GRID1: variants seen among roughly 807,000 people sequenced by gnomAD.
GRID1 encodes the protein glutamate receptor ionotropic, delta-1.
In GRID1, 28 loss-of-function variants were observed where a neutral mutation model predicts 98.0. That is an observed-to-expected ratio of 0.29 (90% CI 0.21 to 0.39). GRID1 has a LOEUF of 0.39. Among genes scored for constraint, GRID1 ranks in the 10% least tolerant of loss-of-function variants. GRID1 has a pLI of 1.00. For missense variants in GRID1, 1,111 were observed against 1,340.5 expected, an observed-to-expected ratio of 0.83 and a Z score of 2.67; for synonymous variants, 553 against 538.5, an observed-to-expected ratio of 1.03 and a Z score of -0.37.
intron 3 of GRID1, among the ~76,000 whole-genome samples, chr10:86,181,316 C>G (rs1396644213): frequency 6.6e-6 from 1 of 152,186 alleles, no homozygotes; most frequent in African/African-American, 2.4e-5. Flanking sequence ...AGCTGTGGCC[C>G]CCAGGACCTG....
chr10:85,988,857 G>T (rs1315465606), intron 4 of GRID1, among the ~76,000 whole-genome samples: 1 of 152,210 alleles, frequency 6.6e-6, no homozygotes, highest in African/African-American at 2.4e-5. Context: ...ACACAGAAAT[G>T]ACTCCCATGA....
chr10:85,798,181 C>T (rs1842543240), intron 8 of GRID1, among the ~76,000 whole-genome samples: 1 of 152,148 alleles, frequency 6.6e-6, no homozygotes, highest in Non-Finnish European at 1.5e-5. Context: ...TTAACAATCA[C>T]AATAAATATT....
chr10:86,230,479 C>G (rs183862619), intron 2 of GRID1, among the ~76,000 whole-genome samples: 7 of 152,302 alleles, frequency 4.6e-5, no homozygotes, highest in Admixed American at 3.9e-4. Flanking sequence ...GGACAGCAGA[C>G]AGAGCTCAAA....
At chr10:85,772,422 C>T (rs1283278010) in intron 8 of GRID1, among the ~76,000 whole-genome samples, 1 of 150,368 alleles carries the variant, frequency 6.7e-6, no homozygotes. Context: ...ACTAGAAAAG[C>T]AAGAGCAAAC....
intron 4 of GRID1, among the ~76,000 whole-genome samples, chr10:86,012,264 T>A (rs1220746654): frequency 3.9e-5 from 6 of 152,216 alleles, no homozygotes; most frequent in Non-Finnish European, 7.3e-5. Flanking sequence ...TGTTAGTGCC[T>A]GGTCTCCACA....
intron 8 of GRID1, among the ~76,000 whole-genome samples, chr10:85,759,737 C>A (rs1842130444): frequency 6.6e-6 from 1 of 152,090 alleles, no homozygotes; most frequent in African/African-American, 2.4e-5. Flanking sequence ...TTTTAATTTC[C>A]AAGGGAAACT....
chr10:86,121,070 C>T (rs1431248974), intron 4 of GRID1, among the ~76,000 whole-genome samples: 1 of 152,150 alleles, frequency 6.6e-6, no homozygotes, highest in African/African-American at 2.4e-5. Context: ...CATTTCCCTC[C>T]ACAACATGAA....
chr10:85,823,795 G>A (rs1842794532), intron 8 of GRID1, among the ~76,000 whole-genome samples: 1 of 152,106 alleles, frequency 6.6e-6, no homozygotes, highest in South Asian at 2.1e-4. Context: ...ATGGAATCAA[G>A]AAGAAAGTAG....
At chr10:86,271,874 A>G (rs1423985498) in intron 2 of GRID1, among the ~76,000 whole-genome samples, 1 of 152,204 alleles carries the variant, frequency 6.6e-6, no homozygotes, top group East Asian at 1.9e-4. Context: ...TATAGAAATA[A>G]TTCATGAAAA....
chr10:86,275,107 T>G (rs896060477), intron 2 of GRID1, among the ~76,000 whole-genome samples: 4 of 152,228 alleles, frequency 2.6e-5, no homozygotes, highest in Non-Finnish European at 5.9e-5. Context: ...TCTTATTTGT[T>G]TGTTGTTGTT....
At chr10:85,707,111 TG>T (rs1321224649) in intron 12 of GRID1, among the ~76,000 whole-genome samples, 1 of 152,040 alleles carries the variant, frequency 6.6e-6, no homozygotes, top group African/African-American at 2.4e-5. Flanking sequence ...AATTGACAAA[TG>T]GGATCTAATT....
At chr10:86,217,322 A>G (rs1192002342) in intron 2 of GRID1, among the ~76,000 whole-genome samples, 1 of 152,254 alleles carries the variant, frequency 6.6e-6, no homozygotes, top group Admixed American at 6.5e-5. Context: ...TAAATGGATA[A>G]TAACAGTCCC....
chr10:86,015,035 A>T (rs1475436040), intron 4 of GRID1, among the ~76,000 whole-genome samples: 2 of 152,130 alleles, frequency 1.3e-5, no homozygotes, highest in African/African-American at 4.8e-5. Flanking sequence ...TTACCACCAT[A>T]TTTAACATTG....
chr10:85,719,633 T>C (rs914830417), intron 12 of GRID1, among the ~76,000 whole-genome samples: 3 of 152,058 alleles, frequency 2.0e-5, no homozygotes, highest in Non-Finnish European at 4.4e-5. Context: ...CAGGCCCCTA[T>C]GATTCAATTA....
At chr10:86,158,493 T>C (rs1355543869) in intron 3 of GRID1, among the ~76,000 whole-genome samples, 2 of 152,156 alleles carry the variant, frequency 1.3e-5, no homozygotes, top group African/African-American at 4.8e-5. Context: ...CTCCTGACCT[T>C]TCCAAACTCT....
At chr10:86,117,009 A>G (rs1158648531) in intron 4 of GRID1, among the ~76,000 whole-genome samples, 1 of 151,736 alleles carries the variant, frequency 6.6e-6, no homozygotes, top group Non-Finnish European at 1.5e-5. Flanking sequence ...CATCATTACC[A>G]CAATCACCAA....
chr10:85,986,267 C>T (rs1842607374), intron 4 of GRID1, among the ~76,000 whole-genome samples: 1 of 152,226 alleles, frequency 6.6e-6, no homozygotes, highest in South Asian at 2.1e-4. Flanking sequence ...ATGAAGTTGT[C>T]TCAGACCGCT....
intron 5 of GRID1, among the ~76,000 whole-genome samples, chr10:85,872,756 C>T: frequency 6.6e-6 from 1 of 152,174 alleles, no homozygotes; most frequent in African/African-American, 2.4e-5. Context: ...TGCCATATGT[C>T]TTCCTCACAG....
At chr10:86,346,144 T>C (rs1323502528) in intron 2 of GRID1, among the ~76,000 whole-genome samples, 1 of 152,156 alleles carries the variant, frequency 6.6e-6, no homozygotes, top group African/African-American at 2.4e-5. Flanking sequence ...GGCCATAGTA[T>C]GCAGAGTGTC....
Sources: allele counts gnomAD v4.1 joint callset (sites outside exome capture counted in the v4.1 genomes callset), GRCh38; gene constraint gnomAD v4.1.1; transcripts MANE v1.5; gene names NCBI Gene and HGNC (gene_info 2026-07-23, HGNC 2026-07-21).